The following CREB5 variants were observed in gnomAD, a reference collection of about 807,000 sequenced individuals.
The protein encoded by CREB5 is cyclic AMP-responsive element-binding protein 5.
CREB5 carries 19 observed loss-of-function variants against 57.1 expected under a neutral mutation model. The observed-to-expected ratio is 0.33, with a 90% CI of 0.23 to 0.49. The LOEUF is 0.49. Among genes scored for constraint, CREB5 ranks in the 20% least tolerant of loss-of-function variants. The probability of loss-of-function intolerance (pLI) is 0.99; values close to 1 mark genes in which losing one functional copy is unlikely to be tolerated. For synonymous variants in CREB5, 238 were observed against 238.3 expected (o/e 1.00, Z 0.01); for missense variants, 579 against 671.6 (o/e 0.86, Z 1.52).
At chr7:28,735,133 A>T (rs1353375671) in intron 7 of CREB5, among the ~76,000 whole-genome samples, 1 of 151,358 alleles carries the variant, frequency 6.6e-6, no homozygotes, top group African/African-American at 2.4e-5. Flanking sequence ...TTGTGTGTGG[A>T]TTTTTTGTTT....
chr7:28,354,826 G>A (rs550268924), intron 1 of CREB5, among the ~76,000 whole-genome samples: 2 of 152,286 alleles, frequency 1.3e-5, no homozygotes, highest in African/African-American at 2.4e-5. Context: ...TTGATAATGG[G>A]AGAAGCTCAC....
rs556323217 is a variant in CREB5, at chr7:28,823,712, A to G, written c.*4433A>G. The stretch of plus-strand genomic sequence containing the variant: ...CTTGTAGAAGTGTAAAAACAGCTTC[A>G]TCTCTGCCTCTCTCCACCCCACCCC... On this transcript the variant is annotated 3_prime_UTR_variant, in exon 11 of 11. Coordinates refer to ENST00000357727, the MANE Select transcript of CREB5 (RefSeq NM_182898.4). 1.3e-5 allele frequency: 2 copies of G among 152,424 alleles called. No individual in the cohort carries two copies. Among genetic ancestry groups the G allele is most frequent in the African/African-American group, 4.8e-5 (2 of 41,576 alleles). The allele number at this position is 152,424 out of a possible 1,614,324, so 9.4% of individuals were successfully genotyped here. A position where few individuals can be genotyped will look rare whatever the true frequency, so the allele number is the denominator to read the frequency against.
chr7:28,505,900 G>T (rs1792460734), intron 3 of CREB5, among the ~76,000 whole-genome samples: 1 of 152,180 alleles, frequency 6.6e-6, no homozygotes, highest in South Asian at 2.1e-4. Flanking sequence ...AGGTGTATAT[G>T]TGTGCCTCTT....
At chr7:28,300,419 A>G (rs995446106) in intron 1 of CREB5, among the ~76,000 whole-genome samples, 3 of 152,316 alleles carry the variant, frequency 2.0e-5, no homozygotes, top group Non-Finnish European at 4.4e-5. Context: ...GCGTATGTCC[A>G]TCTCCAGGTG....
intron 1 of CREB5, among the ~76,000 whole-genome samples, chr7:28,448,483 G>T (rs1789607442): frequency 6.6e-6 from 1 of 152,186 alleles, no homozygotes; most frequent in South Asian, 2.1e-4. Flanking sequence ...GGTTCTCTGG[G>T]CTCCTTGTTT....
At chr7:28,334,433 A>G (rs1785774741) in intron 1 of CREB5, among the ~76,000 whole-genome samples, 1 of 152,182 alleles carries the variant, frequency 6.6e-6, no homozygotes, top group Non-Finnish European at 1.5e-5. Flanking sequence ...CTGGGACTAC[A>G]GGGGTGAGCC....
intron 4 of CREB5, among the ~76,000 whole-genome samples, chr7:28,551,821 T>TTTC (rs1794654399): frequency 4.1e-5 from 6 of 147,428 alleles, no homozygotes; most frequent in Non-Finnish European, 9.0e-5. Context: ...CCTCTATGAT[T>TTTC]TTTCTTTCTT....
chr7:28,629,230 C>T (rs1039987324), intron 5 of CREB5, among the ~76,000 whole-genome samples: 4 of 152,224 alleles, frequency 2.6e-5, no homozygotes, highest in Non-Finnish European at 5.9e-5. Flanking sequence ...AACATTAATC[C>T]ACTGGCATAT....
At chr7:28,530,837 G>C (rs2128621657) in intron 4 of CREB5, among the ~76,000 whole-genome samples, 1 of 152,334 alleles carries the variant, frequency 6.6e-6, no homozygotes, top group South Asian at 2.1e-4. Context: ...CCTGGCTGAT[G>C]ATGGAGGCCA....
chr7:28,364,322 ACT>A (rs1186788417), intron 1 of CREB5, among the ~76,000 whole-genome samples: 3 of 152,034 alleles, frequency 2.0e-5, no homozygotes, highest in African/African-American at 7.3e-5. Flanking sequence ...TTAAGAAAAA[ACT>A]CTAGCTCTTT....
chr7:28,439,588 G>A (rs1191422349), intron 1 of CREB5, among the ~76,000 whole-genome samples: 1 of 152,132 alleles, frequency 6.6e-6, no homozygotes, highest in East Asian at 1.9e-4. Flanking sequence ...GAGATGTTTG[G>A]TAGACTTCCC....
intron 5 of CREB5, among the ~76,000 whole-genome samples, chr7:28,675,827 G>A (rs760158665): frequency 4.6e-5 from 7 of 152,114 alleles, no homozygotes; most frequent in Non-Finnish European, 8.8e-5. Flanking sequence ...GCAATGCAGA[G>A]TTGAGATGAG....
intron 1 of CREB5, among the ~76,000 whole-genome samples, chr7:28,398,607 A>C (rs1353800267): frequency 1.3e-5 from 2 of 152,244 alleles, no homozygotes; most frequent in African/African-American, 4.8e-5. Context: ...TGCTGGACTT[A>C]GTGTCTTTCT....
At chr7:28,790,450 GAGAGAGAGAGATAGAGAGAGAGAGAA>G (rs1807610256) in intron 7 of CREB5, among the ~76,000 whole-genome samples, 1 of 45,180 alleles carries the variant, frequency 2.2e-5, no homozygotes, top group Non-Finnish European at 5.5e-5. Flanking sequence ...GAGAGAGAGA[GAGAGAGAGAGATAGAGAGAGAGAGAA>G]AGAAAGAAAG....
intron 5 of CREB5, among the ~76,000 whole-genome samples, chr7:28,618,583 G>A (rs748818434): frequency 3.3e-5 from 5 of 152,092 alleles, no homozygotes; most frequent in South Asian, 2.1e-4. Context: ...AGGTAATCCT[G>A]CGGGACCAGT....
chr7:28,639,088 G>T (rs1798543621), intron 5 of CREB5, among the ~76,000 whole-genome samples: 2 of 152,188 alleles, frequency 1.3e-5, no homozygotes, highest in African/African-American at 4.8e-5. Context: ...CACACTTCAT[G>T]AATGCTTTGT....
At chr7:28,608,183 T>G (rs1797237600) in intron 5 of CREB5, among the ~76,000 whole-genome samples, 1 of 151,852 alleles carries the variant, frequency 6.6e-6, no homozygotes, top group Non-Finnish European at 1.5e-5. Flanking sequence ...CCCTTCATTT[T>G]GGTTTGTGTC....
intron 4 of CREB5, among the ~76,000 whole-genome samples, chr7:28,568,996 C>T (rs1169630002): frequency 6.6e-6 from 1 of 152,120 alleles, no homozygotes; most frequent in Non-Finnish European, 1.5e-5. Context: ...TAGTGGCACT[C>T]CATTTTTTTC....
intron 1 of CREB5, among the ~76,000 whole-genome samples, chr7:28,465,889 C>T (rs1230965017): frequency 2.0e-5 from 3 of 152,030 alleles, no homozygotes; most frequent in Admixed American, 2.0e-4. Flanking sequence ...GAAGGTGTGA[C>T]TGTCAGGTTT....
Sources: allele counts gnomAD v4.1 joint callset (sites outside exome capture counted in the v4.1 genomes callset), GRCh38; gene constraint gnomAD v4.1.1; transcripts MANE v1.5; gene names NCBI Gene and HGNC (gene_info 2026-07-23, HGNC 2026-07-21).